DHX36: variants seen among roughly 807,000 people sequenced by gnomAD.
The protein encoded by DHX36 is ATP-dependent DNA/RNA helicase DHX36.
A neutral mutation model predicts 139.0 loss-of-function variants in DHX36; 50 were observed. The observed-to-expected ratio is 0.36, with a 90% CI of 0.29 to 0.46. The LOEUF (loss-of-function observed/expected upper bound fraction) is 0.46. Among genes scored for constraint, DHX36 ranks in the 20% least tolerant of loss-of-function variants. The pLI is 1.00. For missense variants in DHX36, 1,024 were observed against 1,211.3 expected (o/e 0.85, Z 2.29); for synonymous variants, 425 against 401.9 (o/e 1.06, Z -0.69).
intron 5 of DHX36, among the ~76,000 whole-genome samples, chr3:154,309,153 G>A (rs775117113): frequency 6.6e-6 from 1 of 151,658 alleles, no homozygotes; most frequent in Non-Finnish European, 1.5e-5. Context: ...TCACCACTGC[G>A]CTCCAGCTTA....
intron 13 of DHX36, among the ~76,000 whole-genome samples, chr3:154,294,170 A>G (rs1711936172): frequency 6.6e-6 from 1 of 152,214 alleles, no homozygotes; most frequent in South Asian, 2.1e-4. Context: ...TCAAGTCTCC[A>G]TGGGTAAGAA....
intron 3 of DHX36, 134 bp downstream of exon 3, chr3:154,314,912 G>T: frequency 3.6e-6 from 2 of 549,112 alleles, no homozygotes; most frequent in Non-Finnish European, 5.8e-6. Flanking sequence ...CATTCGAAAA[G>T]AAATTAATTC....
intron 1 of DHX36, among the ~76,000 whole-genome samples, chr3:154,321,426 C>CT (rs1713180982): frequency 6.6e-6 from 1 of 152,170 alleles, no homozygotes; most frequent in Non-Finnish European, 1.5e-5. Context: ...CAAGTTTCAA[C>CT]TTAAGGGTTA....
chr3:154,313,567 C>T (rs1559959029), intron 3 of DHX36, among the ~76,000 whole-genome samples: 1 of 151,992 alleles, frequency 6.6e-6, no homozygotes, highest in Non-Finnish European at 1.5e-5. Context: ...GTAGTGCCAG[C>T]TACTCAGGAG....
chr3:154,310,681 G>A (rs1314867895), intron 4 of DHX36, among the ~76,000 whole-genome samples: 3 of 147,450 alleles, frequency 2.0e-5, no homozygotes, highest in African/African-American at 7.5e-5. Flanking sequence ...GGGAAGCTGA[G>A]GCAGGAGGAT....
chr3:154,284,771 G>A (rs1189095544), intron 18 of DHX36, 43 bp downstream of exon 18: 1 of 1,607,236 alleles, frequency 6.2e-7, no homozygotes, highest in South Asian at 1.1e-5. Flanking sequence ...AGCAACTCCT[G>A]TTCACATCTA....
rs557393495 is a variant in DHX36, at chr3:154,315,334, G to A, written c.369-54C>T. On this transcript the variant is annotated intron_variant, in intron 2 of 24. Coordinates refer to ENST00000496811, the MANE Select transcript of DHX36 (RefSeq NM_020865.3). ...AGGTCAGATGAGCCACTCAAACACT[G>A]GAACAAAACAAAACAAAACAATACG... 3.8e-4 allele frequency: 487 copies of A among 1,279,950 alleles called. 3 individuals are homozygous for A. In the African/African-American group the frequency reaches 6.2e-3, roughly 16 times the overall value. The allele number at this position is 1,279,950 out of a possible 1,614,324, so 79.3% of individuals were successfully genotyped here. A position where few individuals can be genotyped will look rare whatever the true frequency, so the allele number is the denominator to read the frequency against.
In DHX36 at chr3:154,311,670, A is replaced by G. The variant is rs2108361588; in HGVS notation, c.608T>C (p.Phe203Ser). The G allele has an allele frequency of 6.3e-7, 1 of 1,597,002 alleles. No individual in the cohort carries two copies. Among genetic ancestry groups the G allele is most frequent in the Non-Finnish European group, 8.5e-7 (1 of 1,174,426 alleles). Residue 203 changes from phenylalanine to serine, a missense_variant, in exon 4 of 25, where the codon TTC becomes TCC. By Grantham distance (155) the Phe-to-Ser change is radical. Around this residue, in one of 4 missense-constraint regions of DHX36, gnomAD observed 293 missense variants for 274.4 expected, o/e 1.07. Coordinates refer to ENST00000496811, the MANE Select transcript of DHX36 (RefSeq NM_020865.3). ...TCCATACGAAGGCAGCTTTTCTCTGAAATGCTGAAATTTAAAAAAAGTTTT... is the reference window on the plus strand; with the variant it reads ...TCCATACGAAGGCAGCTTTTCTCTGGAATGCTGAAATTTAAAAAAAGTTTT... ...NDLRYIEMQH[F>S]REKLPSYGMQ...
chr3:154,276,252 A>G lies in DHX36; in HGVS notation c.2946T>C (p.Ala982=), dbSNP rs143832535. ...TKSRDCAVLS[A]IIDLIKTQEK... ...CCTGTGTTTTGATCAAGTCTATAAT[A>G]GCTGACAGTACTGCACAGTCTCTGG... Residue 982 remains alanine, a synonymous_variant, in exon 25 of 25, where the codon GCT becomes GCC. Transcript: ENST00000496811. 99 of 1,613,790 alleles carry G rather than the reference A, an allele frequency of 6.1e-5. No individual in the cohort carries two copies. Among genetic ancestry groups the G allele is most frequent in the Non-Finnish European group, 8.2e-5 (97 of 1,179,930 alleles).
In DHX36 at chr3:154,303,410, C is replaced by A; in HGVS notation, c.1136G>T (p.Gly379Val). The A allele has an allele frequency of 1.3e-6, 2 of 1,590,032 alleles. No individual in the cohort carries two copies. Among genetic ancestry groups the A allele is most frequent in the East Asian group, 2.3e-5 (1 of 44,434 alleles). ...AGGTATATGTATCATTGGACAGTTACCTATTACGGCAGACAAAATATAAGC... is the reference window on the plus strand; with the variant it reads ...AGGTATATGTATCATTGGACAGTTAACTATTACGGCAGACAAAATATAAGC... ...LNAEKFSEYF[G>V]NCPMIHIPGF... Residue 379 changes from glycine (G) to valine (V), a missense_variant and splice_region_variant, in exon 9 of 25, where the codon GGT (glycine) becomes GTT (valine). Coordinates refer to ENST00000496811, the MANE Select transcript of DHX36 (RefSeq NM_020865.3).
Position 154,288,304 on chromosome 3 carries a change from T to C in DHX36, c.2031+562A>G, listed in dbSNP as rs549781107. ...CATTCTGTATGGGTTCATGTAAAGT[T>C]CACAAAATAGGCAAAACTGAACTCT... On this transcript the variant is annotated intron_variant, in intron 17 of 24. Coordinates refer to ENST00000496811, the MANE Select transcript of DHX36 (RefSeq NM_020865.3). 7.9e-5 allele frequency among the ~76,000 whole-genome samples: 12 copies of C among 151,836 alleles called. No individual in the cohort carries two copies. In the South Asian group the frequency reaches 2.5e-3, roughly 32 times the overall value.
chr3:154,291,007 C>A (rs1166127880), intron 15 of DHX36, among the ~76,000 whole-genome samples: 10 of 149,192 alleles, frequency 6.7e-5, no homozygotes, highest in Non-Finnish European at 1.3e-4. Context: ...TAGTGGCGGG[C>A]GCCTGTAGTC....
At chr3:154,313,327 G>A (rs1398548747) in intron 3 of DHX36, among the ~76,000 whole-genome samples, 1 of 152,100 alleles carries the variant, frequency 6.6e-6, no homozygotes, top group Non-Finnish European at 1.5e-5. Flanking sequence ...ACGAAGATGT[G>A]AGATAATTCA....
rs919879347 is a variant in DHX36, at chr3:154,274,395, G to GT, written c.*1775dup. The GT allele has an allele frequency of 6.0e-6, 1 of 166,842 alleles. No homozygotes were observed. The highest frequency in any genetic ancestry group is 2.4e-5 in the African/African-American group (1 of 41,504). The allele number at this position is 166,842 out of a possible 1,614,324, so 10.3% of individuals were successfully genotyped here. ...TAAAAGTGGCTTAAACAATTGAAGG[G>GT]TTTTTATTATATCAACATAAGTCCA... On this transcript the variant is annotated 3_prime_UTR_variant, in exon 25 of 25. Transcript: ENST00000496811.
At chr3:154,291,904 T>C (rs928238118) in intron 15 of DHX36, among the ~76,000 whole-genome samples, 2 of 152,258 alleles carry the variant, frequency 1.3e-5, no homozygotes, top group Non-Finnish European at 2.9e-5. Context: ...TCATTTTTCC[T>C]ATCATTAAGA....
intron 4 of DHX36, among the ~76,000 whole-genome samples, 155 bp from the exon 5 acceptor site, chr3:154,309,978 T>C (rs530966620): frequency 3.9e-4 from 59 of 152,338 alleles, no homozygotes; most frequent in African/African-American, 1.4e-3. Context: ...TTTGGATATC[T>C]GGATCTACCA....
chr3:154,274,347 AC>A lies in DHX36; in HGVS notation c.*1823del. 4 of 191,450 alleles carry A rather than the reference AC, an allele frequency of 2.1e-5. No homozygotes were observed. The highest frequency in any genetic ancestry group is 2.1e-5 in the Non-Finnish European group (2 of 95,318). The allele number at this position is 191,450 out of a possible 1,614,324, so 11.9% of individuals were successfully genotyped here. On this transcript the variant is annotated 3_prime_UTR_variant, in exon 25 of 25. Coordinates refer to ENST00000496811, the MANE Select transcript of DHX36 (RefSeq NM_020865.3). ...CAAAACAAAACAAAACAAAAAACCAACAAAAAACTAACAATATCCTATTAAA... is the reference window on the plus strand; with the variant it reads ...CAAAACAAAACAAAACAAAAAACCAAAAAAAACTAACAATATCCTATTAAA...
intron 1 of DHX36, among the ~76,000 whole-genome samples, chr3:154,323,503 C>T (rs190568109): frequency 1.9e-3 from 282 of 152,130 alleles, no homozygotes; most frequent in African/African-American, 6.6e-3. Flanking sequence ...AACTTTGTTT[C>T]CCTTACTACA....
At chr3:154,311,611 T>G in intron 4 of DHX36, 25 bp downstream of exon 4, 1 of 1,585,358 alleles carries the variant, frequency 6.3e-7, no homozygotes, top group Non-Finnish European at 8.5e-7. Context: ...CAAATCAAAT[T>G]AAATAGTGGA....
Sources: allele counts gnomAD v4.1 joint callset (sites outside exome capture counted in the v4.1 genomes callset), GRCh38; gene constraint gnomAD v4.1.1; regional missense constraint gnomAD v4.1.1; transcripts MANE v1.5; gene names NCBI Gene and HGNC (gene_info 2026-07-23, HGNC 2026-07-21).